Variants in SS18L1 observed in about 807,000 individuals in gnomAD.
SS18L1 encodes SS18L1 subunit of BAF chromatin remodeling complex, also known as calcium-responsive transactivator.
Under a neutral mutation model 70.3 loss-of-function variants are expected in SS18L1, and 32 were observed. That is an observed-to-expected ratio of 0.46 (90% CI 0.34 to 0.61). The LOEUF is 0.61. Ranked by LOEUF, SS18L1 falls within the 20% of genes least tolerant of loss-of-function variation. SS18L1 has a pLI of 0.01. For synonymous variants in SS18L1, 237 were observed against 229.7 expected, an observed-to-expected ratio of 1.03 and a Z score of -0.29; for missense variants, 430 against 542.1, an observed-to-expected ratio of 0.79 and a Z score of 2.05.
At chr20:62,150,133 C>T (rs1283829127) in intron 1 of SS18L1, among the ~76,000 whole-genome samples, 1 of 152,180 alleles carries the variant, frequency 6.6e-6, no homozygotes, top group Non-Finnish European at 1.5e-5. Flanking sequence ...GCAGCCAGCT[C>T]CTCTCAAGGA....
chr20:62,146,137 C>T (rs2057021632), intron 1 of SS18L1, among the ~76,000 whole-genome samples: 2 of 152,244 alleles, frequency 1.3e-5, no homozygotes, highest in Admixed American at 1.3e-4. Flanking sequence ...CTTGTCCTTA[C>T]AGCATTCTGT....
At chr20:62,144,582 C>T (rs1018932106) in intron 1 of SS18L1, among the ~76,000 whole-genome samples, 9 of 152,264 alleles carry the variant, frequency 5.9e-5, no homozygotes, top group Admixed American at 6.5e-5. Context: ...GTGACACCCT[C>T]GCCAGCCGCC....
intron 7 of SS18L1, 62 bp from the exon 8 acceptor site, chr20:62,165,360 C>A: frequency 6.6e-7 from 1 of 1,515,888 alleles, no homozygotes; most frequent in Non-Finnish European, 8.9e-7. Flanking sequence ...TCTCAGTTGC[C>A]TCCTCCGGGA....
intron 1 of SS18L1, among the ~76,000 whole-genome samples, chr20:62,155,645 CTG>C (rs2057209360): frequency 6.6e-6 from 1 of 152,170 alleles, no homozygotes; most frequent in Non-Finnish European, 1.5e-5. Context: ...TTCCTCCAGG[CTG>C]GTCACTTTCC....
At chr20:62,154,271 ACT>A (rs2057183428) in intron 1 of SS18L1, 30 of 995,178 alleles carry the variant, frequency 3.0e-5, no homozygotes, top group Non-Finnish European at 3.6e-5. Flanking sequence ...GTCTTTGATG[ACT>A]CTGACAGTTT....
At chr20:62,167,042 G>GTTTTTTTTTTTTTT (rs1216570693) in intron 8 of SS18L1, among the ~76,000 whole-genome samples, 28 of 88,128 alleles carry the variant, frequency 3.2e-4, no homozygotes, top group Middle Eastern at 7.4e-3. Flanking sequence ...GAGTTTGTTT[G>GTTTTTTTTTTTTTT]TTTTTTTTTT....
intron 1 of SS18L1, among the ~76,000 whole-genome samples, chr20:62,149,561 C>T (rs58569883): frequency 1.9e-4 from 29 of 152,326 alleles, no homozygotes; most frequent in Non-Finnish European, 3.8e-4. Flanking sequence ...TGGGGCAGGC[C>T]GGGCCTCCTG....
chr20:62,179,373 A>G lies in SS18L1; in HGVS notation c.*165A>G. On this transcript the variant is annotated 3_prime_UTR_variant, in exon 11 of 11. Coordinates refer to ENST00000331758, the MANE Select transcript of SS18L1 (RefSeq NM_198935.3). ...TCATGCTGGGTATGACGCCGAGCGCACACCACTGGCGTGAGACAGCGCTTG... is the reference window on the plus strand; with the variant it reads ...TCATGCTGGGTATGACGCCGAGCGCGCACCACTGGCGTGAGACAGCGCTTG... The G allele has an allele frequency of 2.7e-6, 2 of 730,522 alleles. No individual in the cohort carries two copies. The highest frequency in any genetic ancestry group is 2.4e-6 in the Non-Finnish European group (1 of 420,936). 45.3% of individuals were successfully genotyped at this position (730,522 alleles called of 1,614,324 possible).
At position 62,179,543 on chromosome 20, in the gene SS18L1, A is replaced by G; in HGVS notation, c.*335A>G. ...ATCAGAGCATTCTGTGCCCAGGGAC[A>G]GGACAGATCTCGAGGACACCACAGT... On this transcript the variant is annotated 3_prime_UTR_variant, in exon 11 of 11. Coordinates refer to ENST00000331758, the MANE Select transcript of SS18L1 (RefSeq NM_198935.3). 1 of 416,718 alleles carries G rather than the reference A, an allele frequency of 2.4e-6. No homozygotes were observed. Among genetic ancestry groups the G allele is most frequent in the South Asian group, 2.9e-5 (1 of 34,472 alleles). 25.8% of individuals were successfully genotyped at this position (416,718 alleles called of 1,614,324 possible).
intron 10 of SS18L1, among the ~76,000 whole-genome samples, chr20:62,177,570 G>A (rs1390368281): frequency 6.6e-6 from 1 of 152,232 alleles, no homozygotes; most frequent in Non-Finnish European, 1.5e-5. Flanking sequence ...GACACATGGA[G>A]AACAGGCATG....
At position 62,158,702 on chromosome 20, in the gene SS18L1, T is replaced by C; in HGVS notation, c.100T>C (p.Cys34Arg). Reference protein sequence around the residue: ...MLDENHHLIQCILEYQSKGKT... With the variant: ...MLDENHHLIQRILEYQSKGKT... ...GGACGAGAACCACCACCTGATCCAG[T>C]GCATCCTGGAGTACCAGAGCAAGGG... Residue 34 changes from cysteine (C) to arginine (R), a missense_variant, in exon 2 of 11, where the codon TGC becomes CGC. Cys to Arg is a radical substitution (Grantham distance 180). Coordinates refer to ENST00000331758, the MANE Select transcript of SS18L1 (RefSeq NM_198935.3). The surrounding 1 kb of genome is among the most constrained non-coding windows in gnomAD (Gnocchi z 4.5). The C allele has an allele frequency of 6.2e-7, 1 of 1,612,832 alleles. No homozygotes were observed. Among genetic ancestry groups the C allele is most frequent in the Non-Finnish European group, 8.5e-7 (1 of 1,180,022 alleles).
rs146049243 is a variant in SS18L1 at position 62,162,838 on chromosome 20, G to A, written c.463G>A (p.Ala155Thr). The A allele has an allele frequency of 1.5e-4, 236 of 1,612,826 alleles. 1 individual carries two copies. The African/African-American group carries it at 2.8e-3, about 19-fold the overall frequency. Residue 155 changes from alanine to threonine, a missense_variant, in exon 5 of 11, where the codon GCG (alanine) becomes ACG (threonine). Ala to Thr is a moderately conservative substitution (Grantham distance 58). Coordinates refer to ENST00000331758, the MANE Select transcript of SS18L1 (RefSeq NM_198935.3). ...MSISGPGYSH[A>T]GPASQGVPMQ... Reference sequence around the variant, plus strand: ...CATCTCTGGGCCCGGCTACAGCCACGCGGGACCCGCCTCGCAGGGCGTCCC... The same window carrying A: ...CATCTCTGGGCCCGGCTACAGCCACACGGGACCCGCCTCGCAGGGCGTCCC...
At chr20:62,173,158 C>G (rs907863953) in intron 9 of SS18L1, among the ~76,000 whole-genome samples, 3 of 152,212 alleles carry the variant, frequency 2.0e-5, no homozygotes, top group Non-Finnish European at 4.4e-5. Context: ...TCCCGTGTAT[C>G]CATCACCTGC....
intron 10 of SS18L1, among the ~76,000 whole-genome samples, chr20:62,177,190 G>T (rs143833582): frequency 7.4e-4 from 112 of 152,300 alleles, no homozygotes; most frequent in African/African-American, 2.6e-3. Flanking sequence ...AAGCAGAGGC[G>T]GGCGGGAGCA....
intron 1 of SS18L1, among the ~76,000 whole-genome samples, chr20:62,152,510 G>C (rs543658866): frequency 6.6e-6 from 1 of 152,190 alleles, no homozygotes; most frequent in East Asian, 1.9e-4. Flanking sequence ...GTAGAAACTC[G>C]GCCTCTTAGG....
In SS18L1 at chr20:62,174,327, C is replaced by A. The variant is rs1373841732; in HGVS notation, c.1037-190C>A. ...GCTGGTGAGTCGGTTACGTGGTGCT[C>A]TCGCTGTACAGAGTTAACGTGGAGC... On this transcript the variant is annotated intron_variant, in intron 9 of 10. Coordinates refer to ENST00000331758, the MANE Select transcript of SS18L1 (RefSeq NM_198935.3). The surrounding 1 kb of genome is among the most constrained non-coding windows in gnomAD (Gnocchi z 4.1). Among the ~76,000 whole-genome samples, 1 of 145,562 alleles carries A rather than the reference C, an allele frequency of 6.9e-6. No homozygotes were observed. Among genetic ancestry groups the A allele is most frequent in the African/African-American group, 2.8e-5 (1 of 35,418 alleles).
At chr20:62,172,550 G>A in intron 8 of SS18L1, 132 bp from the exon 9 acceptor site, 1 of 1,374,226 alleles carries the variant, frequency 7.3e-7, no homozygotes, top group Non-Finnish European at 1.0e-6. Flanking sequence ...GAATGGTTGT[G>A]AAAAAATAAA....
rs2057383700 is a variant in SS18L1, at chr20:62,164,136, C to T, written c.722-9C>T. On this transcript the variant is annotated splice_polypyrimidine_tract_variant and intron_variant, in intron 6 of 10. Coordinates refer to ENST00000331758, the MANE Select transcript of SS18L1 (RefSeq NM_198935.3). ...GCCCGCACTGGCGCTGAATGTGGTT[C>T]CCCCGCAGGCTCTTCCCAGCAGTAC... The T allele has an allele frequency of 3.2e-6, 5 of 1,547,500 alleles. No individual in the cohort carries two copies. The highest frequency in any genetic ancestry group is 2.0e-5 in the Admixed American group (1 of 50,758).
Position 62,179,546 on chromosome 20 carries a change from A to G in SS18L1, c.*338A>G, listed in dbSNP as rs2057676964. The G allele has an allele frequency of 2.5e-6, 1 of 408,122 alleles. No homozygotes were observed. Among genetic ancestry groups the G allele is most frequent in the East Asian group, 4.1e-5 (1 of 24,210 alleles). 25.3% of individuals were successfully genotyped at this position (408,122 alleles called of 1,614,324 possible). Reference sequence around the variant, plus strand: ...AGAGCATTCTGTGCCCAGGGACAGGACAGATCTCGAGGACACCACAGTCCA... The same window carrying G: ...AGAGCATTCTGTGCCCAGGGACAGGGCAGATCTCGAGGACACCACAGTCCA... On this transcript the variant is annotated 3_prime_UTR_variant, in exon 11 of 11. Transcript: ENST00000331758.
Sources: allele counts gnomAD v4.1 joint callset (sites outside exome capture counted in the v4.1 genomes callset), GRCh38; gene constraint gnomAD v4.1.1; non-coding constraint Gnocchi (gnomAD v3.1); transcripts MANE v1.5; gene names NCBI Gene and HGNC (gene_info 2026-07-23, HGNC 2026-07-21).